The following NHSL3 variants were observed in gnomAD, a reference collection of about 807,000 sequenced individuals.
The protein encoded by NHSL3 is NHS-like protein 3.
the NHSL3 span, chr1:32,770,081 G>C: frequency 4.5e-6 from 7 of 1,559,150 alleles, no homozygotes; most frequent in Non-Finnish European, 6.1e-6. This position sits in a 1 kb window ranked among gnomAD's most constrained non-coding sequence, Gnocchi z 8.3. Context: ...CGTGTCTACC[G>C]GGATGACACC....
the NHSL3 span, among the ~76,000 whole-genome samples, chr1:32,745,693 T>C: frequency 5.9e-5 from 9 of 152,094 alleles, no homozygotes; most frequent in Non-Finnish European, 1.2e-4. Flanking sequence ...AAATCCTAGC[T>C]TTATAGGGGC....
chr1:32,772,055 A>C, the NHSL3 span: 6 of 1,609,484 alleles, frequency 3.7e-6, no homozygotes, highest in Non-Finnish European at 5.1e-6. Flanking sequence ...CCTGAGGCAG[A>C]GCCACGGCCT....
the NHSL3 span, chr1:32,771,370 C>A: frequency 1.3e-6 from 2 of 1,568,682 alleles, no homozygotes; most frequent in Non-Finnish European, 1.7e-6. Flanking sequence ...GTCACCCCCA[C>A]CTTCCCCACC....
the NHSL3 span, chr1:32,770,216 C>T: frequency 6.2e-7 from 1 of 1,605,012 alleles, no homozygotes; most frequent in Non-Finnish European, 8.5e-7. The surrounding 1 kb of genome is among the most constrained non-coding windows in gnomAD (Gnocchi z 8.3). Context: ...TCCATCTCCC[C>T]CCAGGCCACC....
the NHSL3 span, among the ~76,000 whole-genome samples, chr1:32,757,851 T>A: frequency 4.6e-5 from 7 of 152,012 alleles, no homozygotes; most frequent in Non-Finnish European, 8.8e-5. Flanking sequence ...GGGTGTCATC[T>A]TATGACACCC....
chr1:32,758,500 A>C, the NHSL3 span, among the ~76,000 whole-genome samples: 1 of 151,954 alleles, frequency 6.6e-6, no homozygotes, highest in Non-Finnish European at 1.5e-5. Flanking sequence ...CATTCCCCCC[A>C]TGTCTCGTCC....
At chr1:32,770,478 C>T in the NHSL3 span, 2 of 1,583,424 alleles carry the variant, frequency 1.3e-6, no homozygotes, top group Non-Finnish European at 1.7e-6. The surrounding 1 kb of genome is among the most constrained non-coding windows in gnomAD (Gnocchi z 8.3). Context: ...CCACCCTCTC[C>T]TCTAAGGGTG....
chr1:32,751,010 C>T, the NHSL3 span, among the ~76,000 whole-genome samples: 2 of 151,662 alleles, frequency 1.3e-5, no homozygotes, highest in Non-Finnish European at 2.9e-5. Flanking sequence ...GGGGTTTCAC[C>T]GTGTTGGTCA....
At chr1:32,762,432 CTTTTTT>C in the NHSL3 span, among the ~76,000 whole-genome samples, 4 of 142,722 alleles carry the variant, frequency 2.8e-5, no homozygotes, top group African/African-American at 1.1e-4. Context: ...TCAGGGGAAT[CTTTTTT>C]TTTTTTAAGC....
chr1:32,742,016 C>A, the NHSL3 span: 8 of 1,236,748 alleles, frequency 6.5e-6, no homozygotes, highest in Non-Finnish European at 8.1e-6. Flanking sequence ...CCGGGCGGCC[C>A]CCCGCGCAGG....
chr1:32,768,192 T>C, the NHSL3 span: 2 of 1,036,360 alleles, frequency 1.9e-6, no homozygotes, highest in Non-Finnish European at 3.0e-6. Flanking sequence ...TTGGAACATT[T>C]CTGGGTCTCA....
chr1:32,773,360 G>C, the NHSL3 span: 1 of 185,876 alleles, frequency 5.4e-6, no homozygotes, highest in South Asian at 1.2e-4. Context: ...CATGGCAGCA[G>C]AATCCATCCC....
chr1:32,770,909 C>G, the NHSL3 span: 2 of 1,610,920 alleles, frequency 1.2e-6, no homozygotes, highest in South Asian at 1.1e-5. The surrounding 1 kb of genome is among the most constrained non-coding windows in gnomAD (Gnocchi z 8.3). Context: ...CCAGAACGGA[C>G]ACTTTCGCCC....
At chr1:32,769,939 G>C in the NHSL3 span, 18 of 1,607,364 alleles carry the variant, frequency 1.1e-5, no homozygotes, top group Middle Eastern at 3.3e-4. Context: ...ACGGGATGCC[G>C]TACGCATCCC....
the NHSL3 span, chr1:32,772,961 C>A: frequency 7.0e-7 from 1 of 1,434,944 alleles, no homozygotes. Flanking sequence ...GCTCCAAGGA[C>A]GAGAGGATAC....
chr1:32,752,608 C>T, the NHSL3 span, among the ~76,000 whole-genome samples: 4 of 152,104 alleles, frequency 2.6e-5, no homozygotes, highest in Non-Finnish European at 5.9e-5. Flanking sequence ...TTTAATTTTT[C>T]ACTCTGTCAC....
chr1:32,769,554 C>T, the NHSL3 span: 7 of 802,246 alleles, frequency 8.7e-6, no homozygotes, highest in Non-Finnish European at 1.5e-5. Flanking sequence ...TAGCCTTGCC[C>T]ATACCTACTT....
the NHSL3 span, among the ~76,000 whole-genome samples, chr1:32,760,302 C>T: frequency 1.3e-5 from 2 of 152,326 alleles, no homozygotes; most frequent in Admixed American, 6.5e-5. Context: ...GGGCGCGCCA[C>T]CACCCCCGCC....
the NHSL3 span, chr1:32,772,061 G>A: frequency 2.3e-5 from 37 of 1,610,352 alleles, no homozygotes; most frequent in Admixed American, 8.4e-5. Flanking sequence ...GCAGAGCCAC[G>A]GCCTCCCCAG....
Sources: allele counts gnomAD v4.1 joint callset (sites outside exome capture counted in the v4.1 genomes callset), GRCh38; gene constraint gnomAD v4.1.1; non-coding constraint Gnocchi (gnomAD v3.1); transcripts MANE v1.5; gene names NCBI Gene and HGNC (gene_info 2026-07-23, HGNC 2026-07-21).